Variants in IQCH observed in about 807,000 individuals in gnomAD.
IQCH encodes the protein IQ domain-containing protein H.
A neutral mutation model predicts 117.0 loss-of-function variants in IQCH; 98 were observed. The ratio of observed to expected loss-of-function variants is 0.84; its 90% CI spans 0.71 to 0.99. The LOEUF is 0.99. Among genes scored for constraint, IQCH ranks in the 50% least tolerant of loss-of-function variants. The pLI, the probability that IQCH is intolerant of heterozygous loss-of-function variation, is 0.00. For missense variants in IQCH, 1,102 were observed against 1,243.8 expected (o/e 0.89, Z 1.72); for synonymous variants, 412 against 448.2 (o/e 0.92, Z 1.02).
At position 67,422,655 on chromosome 15, in the gene IQCH, T is replaced by A. The variant is rs2081778830; in HGVS notation, c.2505+1078T>A. On this transcript the variant is annotated intron_variant, in intron 16 of 20. Coordinates refer to ENST00000335894, the MANE Select transcript of IQCH (RefSeq NM_001031715.3). This position sits in a 1 kb window ranked among gnomAD's most constrained non-coding sequence, Gnocchi z 4.7. ...ATCATAACATTCTATCTATTATTAT[T>A]TTACTGTATGCTTTTGTTTAATATT... 6.6e-6 allele frequency among the ~76,000 whole-genome samples: 1 copy of A among 152,226 alleles called. No individual in the cohort carries two copies. The highest frequency in any genetic ancestry group is 2.1e-4 in the South Asian group (1 of 4,828).
chr15:67,416,723 G>T lies in IQCH; in HGVS notation c.2098-208G>T, dbSNP rs1277027964. 1.3e-5 allele frequency among the ~76,000 whole-genome samples: 2 copies of T among 152,064 alleles called. No homozygotes were observed. Among genetic ancestry groups the T allele is most frequent in the African/African-American group, 4.8e-5 (2 of 41,408 alleles). ...TTTCAGAGACAACAGGAACAATTAA[G>T]AATTTTTAGGGCGCCAAATCACTTT... On this transcript the variant is annotated intron_variant, in intron 14 of 20. Transcript: ENST00000335894. The surrounding 1 kb of genome is among the most constrained non-coding windows in gnomAD (Gnocchi z 5.1).
At chr15:67,330,179 T>A (rs143748202) in intron 4 of IQCH, among the ~76,000 whole-genome samples, 1 of 152,256 alleles carries the variant, frequency 6.6e-6, no homozygotes, top group East Asian at 1.9e-4. Context: ...TGCAAGGCAG[T>A]CTGGGAGATG....
intron 16 of IQCH, among the ~76,000 whole-genome samples, chr15:67,462,406 C>T (rs1357812093): frequency 2.7e-5 from 4 of 147,286 alleles, no homozygotes; most frequent in Admixed American, 6.8e-5. Context: ...CCAGCCTGGG[C>T]GACAGAGTGA....
In IQCH at chr15:67,290,658, G is replaced by A. The variant is rs1966720445; in HGVS notation, c.387+11146G>A. ...CAGCACATATCATACAAGGCTTTAC[G>A]CTTAACCTAATAATTTCAGTGTTGA... On this transcript the variant is annotated intron_variant, in intron 4 of 20. Coordinates refer to ENST00000335894, the MANE Select transcript of IQCH (RefSeq NM_001031715.3). 2.0e-5 allele frequency among the ~76,000 whole-genome samples: 3 copies of A among 152,166 alleles called. No homozygotes were observed. In the East Asian group the frequency reaches 5.8e-4, roughly 29 times the overall value.
At chr15:67,269,951 T>C (rs1965834458) in intron 3 of IQCH, among the ~76,000 whole-genome samples, 1 of 152,218 alleles carries the variant, frequency 6.6e-6, no homozygotes, top group South Asian at 2.1e-4. Context: ...AACATGGGAC[T>C]GGAAATCTCT....
At chr15:67,462,198 G>A (rs71409160) in intron 16 of IQCH, among the ~76,000 whole-genome samples, 2 of 151,562 alleles carry the variant, frequency 1.3e-5, no homozygotes, top group African/African-American at 2.4e-5. Context: ...TTGGGAGGCC[G>A]AGAGTGGATC....
intron 8 of IQCH, chr15:67,371,634 T>C (rs1484636038): frequency 1.4e-6 from 1 of 736,944 alleles, no homozygotes; most frequent in Non-Finnish European, 2.3e-6. Flanking sequence ...TGATCTTTTA[T>C]GAAGTCAGAA....
intron 8 of IQCH, among the ~76,000 whole-genome samples, chr15:67,363,203 T>A (rs1030251946): frequency 6.6e-6 from 1 of 151,440 alleles, no homozygotes; most frequent in South Asian, 2.1e-4. Flanking sequence ...AAACAACCCC[T>A]GTGGAATCTT....
Position 67,411,267 on chromosome 15 carries a change from G to A in IQCH, c.2098-5664G>A, listed in dbSNP as rs1168809603. Among the ~76,000 whole-genome samples the A allele has an allele frequency of 6.6e-6, 1 of 152,094 alleles. No homozygotes were observed. Among genetic ancestry groups the A allele is most frequent in the South Asian group, 2.1e-4 (1 of 4,814 alleles). ...ACTCTGAAGAGGCAGCAGGGCCGGT[G>A]GGGAGCACTTACCCAGGAGTCAGAG... On this transcript the variant is annotated intron_variant, in intron 14 of 20. Transcript: ENST00000335894. This position sits in a 1 kb window ranked among gnomAD's most constrained non-coding sequence, Gnocchi z 4.4.
rs2083093488 is a variant in IQCH at position 67,472,434 on chromosome 15, C to T, written c.2677-3262C>T. Among the ~76,000 whole-genome samples, 1 of 152,066 alleles carries T rather than the reference C, an allele frequency of 6.6e-6. No individual in the cohort carries two copies. The highest frequency in any genetic ancestry group is 1.5e-5 in the Non-Finnish European group (1 of 68,006). Reference sequence around the variant, plus strand: ...TGAATAGGAGGATGACACAGACCAACCTGTGTTAGGGGGAAATGATTAATC... The same window carrying T: ...TGAATAGGAGGATGACACAGACCAATCTGTGTTAGGGGGAAATGATTAATC... On this transcript the variant is annotated intron_variant, in intron 17 of 20. Coordinates refer to ENST00000335894, the MANE Select transcript of IQCH (RefSeq NM_001031715.3). The surrounding 1 kb of genome is among the most constrained non-coding windows in gnomAD (Gnocchi z 4.3).
chr15:67,279,566 C>G, intron 4 of IQCH, 54 bp downstream of exon 4: 1 of 1,004,126 alleles, frequency 1.0e-6, no homozygotes, highest in Non-Finnish European at 1.5e-6. Context: ...TTGCCAGGGG[C>G]TGGGAGGAGC....
intron 4 of IQCH, among the ~76,000 whole-genome samples, chr15:67,298,218 G>T (rs1966871324): frequency 6.6e-6 from 1 of 151,452 alleles, no homozygotes; most frequent in South Asian, 2.1e-4. Context: ...TGAGGCAGGA[G>T]AATTGCTTGA....
chr15:67,335,054 T>A (rs1596203424), intron 4 of IQCH, among the ~76,000 whole-genome samples: 1 of 151,420 alleles, frequency 6.6e-6, no homozygotes, highest in South Asian at 2.1e-4. Context: ...CTCCAACACA[T>A]ACACACACAC....
chr15:67,307,682 T>G (rs1967370359), intron 4 of IQCH, among the ~76,000 whole-genome samples: 1 of 152,114 alleles, frequency 6.6e-6, no homozygotes. Flanking sequence ...CTTGTTGCAT[T>G]TATAAACCAT....
intron 13 of IQCH, 58 bp from the exon 14 acceptor site, chr15:67,400,056 A>G: frequency 7.1e-7 from 1 of 1,417,360 alleles, no homozygotes; most frequent in Non-Finnish European, 9.8e-7. Flanking sequence ...TTGTTACGAT[A>G]AAAAGGAATC....
In IQCH at chr15:67,402,422, A is replaced by G. The variant is rs182490264; in HGVS notation, c.2097+2117A>G. Among the ~76,000 whole-genome samples, 636 of 152,314 alleles carry G rather than the reference A, an allele frequency of 4.2e-3. 2 individuals are homozygous for G. Among genetic ancestry groups the G allele is most frequent in the Middle Eastern group, 0.01 (3 of 294 alleles). ...CATATTCGGAGTGGAGGTGAGCTGC[A>G]GTCTCCATTGAGTGTAGCTATTGAG... On this transcript the variant is annotated intron_variant, in intron 14 of 20. Coordinates refer to ENST00000335894, the MANE Select transcript of IQCH (RefSeq NM_001031715.3).
In IQCH at chr15:67,491,741, C is replaced by G. The variant is rs1453886910; in HGVS notation, c.2861+1677C>G. Among the ~76,000 whole-genome samples the G allele has an allele frequency of 1.3e-5, 2 of 152,114 alleles. No individual in the cohort carries two copies. The highest frequency in any genetic ancestry group is 1.5e-5 in the Non-Finnish European group (1 of 68,016). Reference sequence around the variant, plus strand: ...AGCCAGGGACACCTCTGGGCATGTGCAGGGAAGGATCAGCCCCTTGCTTCC... The same window carrying G: ...AGCCAGGGACACCTCTGGGCATGTGGAGGGAAGGATCAGCCCCTTGCTTCC... On this transcript the variant is annotated intron_variant, in intron 19 of 20. Coordinates refer to ENST00000335894, the MANE Select transcript of IQCH (RefSeq NM_001031715.3). The surrounding 1 kb of genome is among the most constrained non-coding windows in gnomAD (Gnocchi z 4.9).
rs933543986 is a variant in IQCH, at chr15:67,491,338, C to T, written c.2861+1274C>T. ...GTCCTTTGTTCTACCAAAGCATTAT[C>T]AGTTAGACCATTATCAATACAGTGA... is the stretch of plus-strand genomic sequence containing the variant. On this transcript the variant is annotated intron_variant, in intron 19 of 20. Transcript: ENST00000335894. The surrounding 1 kb of genome is among the most constrained non-coding windows in gnomAD (Gnocchi z 4.9). Among the ~76,000 whole-genome samples, 1 of 152,192 alleles carries T rather than the reference C, an allele frequency of 6.6e-6. No homozygotes were observed. The highest frequency in any genetic ancestry group is 1.5e-5 in the Non-Finnish European group (1 of 68,036).
intron 4 of IQCH, among the ~76,000 whole-genome samples, chr15:67,294,538 C>G (rs762761692): frequency 7.2e-5 from 11 of 152,166 alleles, no homozygotes; most frequent in Non-Finnish European, 1.5e-4. Flanking sequence ...TCACAGCTGG[C>G]ATGTTCCTTT....
Sources: gnomAD v4.1 joint callset for allele counts (sites outside exome capture counted in the v4.1 genomes callset) on GRCh38, gnomAD v4.1.1 for gene constraint, Gnocchi (gnomAD v3.1) non-coding constraint, MANE v1.5 for transcripts, NCBI Gene and HGNC (gene_info 2026-07-23, HGNC 2026-07-21) for gene names.